Variants in PLCB2 observed in about 807,000 individuals in gnomAD.
PLCB2 encodes 1-phosphatidylinositol 4,5-bisphosphate phosphodiesterase beta-2.
Under a neutral mutation model 141.7 loss-of-function variants are expected in PLCB2, and 115 were observed. The observed-to-expected ratio is 0.81, with a 90% CI of 0.70 to 0.95. The LOEUF (loss-of-function observed/expected upper bound fraction) is 0.95, where lower values mean the gene tolerates loss of function less well. Ranked by LOEUF, PLCB2 falls within the 40% of genes least tolerant of loss-of-function variation. PLCB2 has a pLI of 0.00. For synonymous variants in PLCB2, 603 were observed against 595.6 expected (o/e 1.01, Z -0.18); for missense variants, 1,403 against 1,541.1 (o/e 0.91, Z 1.50).
chr15:40,287,879 G>A (rs1322547164), downstream of PLCB2: 3 of 971,326 alleles, frequency 3.1e-6, no homozygotes, highest in East Asian at 1.1e-4. Flanking sequence ...TTTTCTACCT[G>A]TAGAATAGAG....
chr15:40,290,162 A>G, intron 29 of PLCB2, 80 bp from the exon 30 acceptor site: 2 of 912,700 alleles, frequency 2.2e-6, no homozygotes, highest in Non-Finnish European at 3.7e-6. Flanking sequence ...CGCAGGATGT[A>G]GGCAAATGAG....
intron 7 of PLCB2, chr15:40,301,580 C>T (rs1434601813): frequency 4.3e-6 from 3 of 702,958 alleles, no homozygotes; most frequent in African/African-American, 1.7e-5. Context: ...CTGCCGCCTG[C>T]CACTGCCGAC....
In PLCB2 at chr15:40,307,801, C is replaced by G; in HGVS notation, c.-129G>C. 2 of 692,942 alleles carry G rather than the reference C, an allele frequency of 2.9e-6. No individual in the cohort carries two copies. The highest frequency in any genetic ancestry group is 4.7e-6 in the Non-Finnish European group (2 of 425,208). The allele number at this position is 692,942 out of a possible 1,614,324, so 42.9% of individuals were successfully genotyped here. A position where few individuals can be genotyped will look rare whatever the true frequency, so the allele number is the denominator to read the frequency against. On this transcript the variant is annotated 5_prime_UTR_variant, in exon 1 of 32. The change abolishes the stop of an existing upstream ORF in the 5' untranslated region. Coordinates refer to ENST00000260402, the MANE Select transcript of PLCB2 (RefSeq NM_004573.3). ...CCCATCCCCGAGCTGCTCCAGAAAT[C>G]TAGTTGCTCTTATAGCCCCTGGGGT...
chr15:40,307,847 C>T lies in PLCB2; in HGVS notation c.-175G>A. ...GGGGTGGCCCTGGCTGAGTGCAGGA[C>T]TGAGCTGTAGCCAGAGGCCCATCTG... On this transcript the variant is annotated 5_prime_UTR_variant, in exon 1 of 32. Transcript: ENST00000260402. The T allele has an allele frequency of 2.2e-6, 1 of 455,910 alleles. No homozygotes were observed. Among genetic ancestry groups the T allele is most frequent in the Non-Finnish European group, 3.9e-6 (1 of 257,944 alleles). 28.2% of individuals were successfully genotyped at this position (455,910 alleles called of 1,614,324 possible).
Position 40,293,687 on chromosome 15 carries a change from C to A in PLCB2, c.2099G>T (p.Arg700Leu). Residue 700 changes from arginine to leucine, a missense_variant, in exon 20 of 32, where the codon CGC becomes CTC. Physicochemically the swap from Arg to Leu is moderately radical, Grantham distance 102 (BLOSUM62 -2). This residue lies in a region of PLCB2 where 975 missense variants were observed against 1,141.1 expected (regional missense o/e 0.85). Transcript: ENST00000260402. Reference sequence around the variant, plus strand: ...AAACAGCTCCACTTCTACATAGGTGCGCACGCTGCGTTCTGACAGGAACTG... The same window carrying A: ...AAACAGCTCCACTTCTACATAGGTGAGCACGCTGCGTTCTGACAGGAACTG... ...SGQFLSERSV[R>L]TYVEVELFGL... 6.2e-7 allele frequency: 1 copy of A among 1,613,958 alleles called. No homozygotes were observed. Among genetic ancestry groups the A allele is most frequent in the Non-Finnish European group, 8.5e-7 (1 of 1,179,916 alleles).
In PLCB2 at chr15:40,307,910, C is replaced by CA. The variant is rs1489390329; in HGVS notation, c.-239dup. 2.7e-6 allele frequency: 1 copy of CA among 371,706 alleles called. No homozygotes were observed. The highest frequency in any genetic ancestry group is 4.0e-5 in the East Asian group (1 of 25,094). The allele number at this position is 371,706 out of a possible 1,614,324, so 23.0% of individuals were successfully genotyped here. ...CCCTCCTCCCACCCGCCCTGCCTGC[C>CA]ATGGGGGCCTGTGGTCACTGCTTCT... On this transcript the variant is annotated 5_prime_UTR_variant, in exon 1 of 32. It removes an upstream start codon present in the reference 5' UTR. Coordinates refer to ENST00000260402, the MANE Select transcript of PLCB2 (RefSeq NM_004573.3).
intron 22 of PLCB2, 58 bp downstream of exon 22, chr15:40,292,281 G>T: frequency 6.6e-7 from 1 of 1,517,544 alleles, no homozygotes; most frequent in South Asian, 1.1e-5. Context: ...AAGCTGGCTT[G>T]ATGGGAAGGA....
chr15:40,294,538 G>T, intron 18 of PLCB2, 118 bp from the exon 19 acceptor site: 1 of 1,006,892 alleles, frequency 9.9e-7, no homozygotes, highest in Non-Finnish European at 1.5e-6. Flanking sequence ...TGGACCGTGA[G>T]GATGAGGGCT....
At chr15:40,294,232 G>A (rs373329269) in intron 19 of PLCB2, 34 bp downstream of exon 19, 1 of 1,609,520 alleles carries the variant, frequency 6.2e-7, no homozygotes, top group Middle Eastern at 1.7e-4. Flanking sequence ...CAAGACCTCA[G>A]CCTCCCGGCC....
At chr15:40,304,254 C>A (rs2040681808) in intron 1 of PLCB2, among the ~76,000 whole-genome samples, 176 bp from the exon 2 acceptor site, 1 of 152,162 alleles carries the variant, frequency 6.6e-6, no homozygotes, top group Non-Finnish European at 1.5e-5. Flanking sequence ...ATTGGGGATG[C>A]CATTTCTGGA....
chr15:40,296,692 C>T, intron 14 of PLCB2, 54 bp downstream of exon 14: 2 of 1,610,540 alleles, frequency 1.2e-6, no homozygotes, highest in South Asian at 1.1e-5. Context: ...GGTCCAGCCC[C>T]TCTCCTGTTC....
downstream of PLCB2, among the ~76,000 whole-genome samples, chr15:40,286,744 G>A (rs1019279584): frequency 1.3e-5 from 2 of 152,226 alleles, no homozygotes; most frequent in African/African-American, 4.8e-5. Flanking sequence ...ACCCAGAGAT[G>A]GCATTTGCCT....
At chr15:40,292,257 C>T (rs1047508980) in intron 22 of PLCB2, 82 bp downstream of exon 22, 1 of 1,493,644 alleles carries the variant, frequency 6.7e-7, no homozygotes. Flanking sequence ...ATCTGGATCC[C>T]ACCCCAACTC....
At chr15:40,300,783 A>G (rs1432757632) in intron 7 of PLCB2, 1 of 152,176 alleles carries the variant, frequency 6.6e-6, no homozygotes, top group Non-Finnish European at 1.5e-5. Flanking sequence ...TCCCCCCCCA[A>G]AAAAAACATT....
At chr15:40,303,821 T>C (rs1003561741) in intron 2 of PLCB2, 180 bp downstream of exon 2, 4 of 568,076 alleles carry the variant, frequency 7.0e-6, no homozygotes, top group Non-Finnish European at 9.5e-6. Context: ...CAGGTTGGAG[T>C]GACTGCATCC....
downstream of PLCB2, among the ~76,000 whole-genome samples, chr15:40,285,170 C>G (rs994372298): frequency 7.9e-5 from 12 of 152,252 alleles, no homozygotes; most frequent in African/African-American, 2.9e-4. Context: ...GGAGCAGAGG[C>G]TCCCACTCCC....
Position 40,289,280 on chromosome 15 carries a change from C to T in PLCB2, c.3346G>A (p.Glu1116Lys). The T allele has an allele frequency of 6.2e-7, 1 of 1,613,686 alleles. No homozygotes were observed. The highest frequency in any genetic ancestry group is 8.5e-7 in the Non-Finnish European group (1 of 1,179,556). ...AACLEQIREM[E>K]KQFQKEALAE... is the part of the protein sequence containing the mutation. ...AGTAGTGAACCTGTTACCTGCTTTT[C>T]CATCTCCCGTATCTGTTCCAGGCAA... The change falls in exon 31 of 32, where the codon GAA becomes AAA. Residue 1116 changes from glutamate (E) to lysine (K), a missense_variant. Glu to Lys is a moderately conservative substitution (Grantham distance 56). Transcript: ENST00000260402.
intron 21 of PLCB2, 54 bp downstream of exon 21, chr15:40,292,872 T>C (rs2141065971): frequency 8.3e-7 from 1 of 1,206,270 alleles, no homozygotes; most frequent in African/African-American, 1.5e-5. Context: ...TGCCCCACCC[T>C]GTGCACAGGC....
At chr15:40,284,786 G>A (rs1418365660), downstream of PLCB2, among the ~76,000 whole-genome samples, 3 of 136,084 alleles carry the variant, frequency 2.2e-5, no homozygotes, top group African/African-American at 8.4e-5. Flanking sequence ...GTTGCAGTGA[G>A]CCGAGATCAC....
Sources: gnomAD v4.1 joint callset for allele counts (sites outside exome capture counted in the v4.1 genomes callset) on GRCh38, gnomAD v4.1.1 for gene constraint, gnomAD v4.1.1 regional missense constraint, MANE v1.5 for transcripts, NCBI Gene and HGNC (gene_info 2026-07-23, HGNC 2026-07-21) for gene names.